IPCEF1: variants seen among roughly 807,000 people sequenced by gnomAD.
IPCEF1 encodes interactor protein for cytohesin exchange factors 1.
A neutral mutation model predicts 50.9 loss-of-function variants in IPCEF1; 31 were observed. The observed-to-expected ratio is 0.61, with a 90% CI of 0.46 to 0.82. The LOEUF (loss-of-function observed/expected upper bound fraction) is 0.82, where lower values mean the gene tolerates loss of function less well. Among genes scored for constraint, IPCEF1 ranks in the 40% least tolerant of loss-of-function variants. IPCEF1 has a pLI of 0.00. For missense variants in IPCEF1, 458 were observed against 514.0 expected (o/e 0.89, Z 1.05); for synonymous variants, 181 against 192.0 (o/e 0.94, Z 0.47).
chr6:154,285,179 C>CT (rs1290660760), intron 2 of IPCEF1, among the ~76,000 whole-genome samples: 5 of 152,012 alleles, frequency 3.3e-5, no homozygotes, highest in Admixed American at 3.3e-4. Context: ...AGGTAGTTGC[C>CT]TTTTTTAACA....
At chr6:154,213,059 T>C (rs1778098288) in intron 8 of IPCEF1, 1 of 541,600 alleles carries the variant, frequency 1.8e-6, no homozygotes, top group Non-Finnish European at 3.3e-6. Context: ...GCTCCTGACC[T>C]CAAAGAGCAT....
intron 1 of IPCEF1, among the ~76,000 whole-genome samples, chr6:154,290,146 G>T (rs550885468): frequency 4.6e-5 from 7 of 152,158 alleles, no homozygotes; most frequent in African/African-American, 1.4e-4. Context: ...AGGAGATGGC[G>T]AATGGGCCCA....
At chr6:154,275,432 G>A (rs1782031785) in intron 2 of IPCEF1, among the ~76,000 whole-genome samples, 2 of 152,124 alleles carry the variant, frequency 1.3e-5, no homozygotes, top group Non-Finnish European at 2.9e-5. Flanking sequence ...GGTATCCCCC[G>A]AATAACATCC....
intron 1 of IPCEF1, among the ~76,000 whole-genome samples, chr6:154,317,455 A>G (rs938214032): frequency 6.7e-6 from 1 of 149,224 alleles, no homozygotes; most frequent in Non-Finnish European, 1.5e-5. Flanking sequence ...AGGCTAAGGC[A>G]GAAGAATCAT....
intron 10 of IPCEF1, among the ~76,000 whole-genome samples, chr6:154,186,741 A>G (rs1801401142): frequency 6.6e-6 from 1 of 151,990 alleles, no homozygotes. Context: ...TATTTTTAGT[A>G]GAGAGGGGGT....
At position 154,168,882 on chromosome 6, in the gene IPCEF1, A is replaced by G. The variant is rs945844011; in HGVS notation, c.911-769T>C. Among the ~76,000 whole-genome samples, 6 of 151,948 alleles carry G rather than the reference A, an allele frequency of 3.9e-5. No individual in the cohort carries two copies. The highest frequency in any genetic ancestry group is 1.4e-4 in the African/African-American group (6 of 41,404). On this transcript the variant is annotated intron_variant, in intron 10 of 11. Transcript: ENST00000367220. The surrounding 1 kb of genome is among the most constrained non-coding windows in gnomAD (Gnocchi z 4.1). ...TGGCCTCCCAAAGTGCTGGGATTAC[A>G]GGTGTGAGCCACCACGCCCAGCCCA...
At chr6:154,197,282 A>G (rs1452570152) in intron 10 of IPCEF1, among the ~76,000 whole-genome samples, 1 of 152,242 alleles carries the variant, frequency 6.6e-6, no homozygotes, top group East Asian at 1.9e-4. Flanking sequence ...CATGTAAAAA[A>G]AAATGCACAA....
At chr6:154,281,634 G>A (rs892435289) in intron 2 of IPCEF1, among the ~76,000 whole-genome samples, 3 of 152,180 alleles carry the variant, frequency 2.0e-5, no homozygotes, top group Non-Finnish European at 4.4e-5. Context: ...GGATGAGCCA[G>A]GTGATAACTT....
At position 154,204,128 on chromosome 6, in the gene IPCEF1, G is replaced by A. The variant is rs539194000; in HGVS notation, c.538-4088C>T. ...ATCTTCGTTCTAGTTAAGAGACTAT[G>A]ATATGATTACATTAAAGATTAATAC... is the stretch of plus-strand genomic sequence containing the variant. On this transcript the variant is annotated intron_variant, in intron 9 of 11. Transcript: ENST00000367220. Among the ~76,000 whole-genome samples the A allele has an allele frequency of 2.6e-5, 4 of 152,292 alleles. No individual in the cohort carries two copies. In the South Asian group the frequency reaches 8.3e-4, roughly 32 times the overall value.
At chr6:154,212,091 A>G (rs1778007022) in intron 9 of IPCEF1, among the ~76,000 whole-genome samples, 1 of 152,220 alleles carries the variant, frequency 6.6e-6, no homozygotes, top group South Asian at 2.1e-4. Context: ...ACATCCTAGT[A>G]CATGGTAGGT....
intron 1 of IPCEF1, among the ~76,000 whole-genome samples, chr6:154,291,859 G>A (rs1338299073): frequency 1.3e-5 from 2 of 151,734 alleles, no homozygotes; most frequent in East Asian, 3.9e-4. Flanking sequence ...TAATTTTTGT[G>A]TTTTTAGTAG....
At chr6:154,190,085 A>G (rs1242108837) in intron 10 of IPCEF1, among the ~76,000 whole-genome samples, 1 of 152,190 alleles carries the variant, frequency 6.6e-6, no homozygotes, top group Admixed American at 6.5e-5. Context: ...TTCTGCTCTC[A>G]TGTACTTCCT....
Position 154,158,487 on chromosome 6 carries a change from T to C in IPCEF1, c.*1341A>G, listed in dbSNP as rs1344087007. ...AATGGCACAAAGCTTAAAGTTTATT[T>C]AATAGAAAGGATAATCTAAGATGAA... On this transcript the variant is annotated 3_prime_UTR_variant, in exon 12 of 12. Coordinates refer to ENST00000367220, the MANE Select transcript of IPCEF1 (RefSeq NM_001130700.2). The C allele has an allele frequency of 6.6e-6, 1 of 152,220 alleles. No individual in the cohort carries two copies. Among genetic ancestry groups the C allele is most frequent in the East Asian group, 1.9e-4 (1 of 5,206 alleles). The allele number at this position is 152,220 out of a possible 1,614,324, so 9.4% of individuals were successfully genotyped here.
Position 154,155,014 on chromosome 6 carries a change from TA to T in IPCEF1, c.*4813del, listed in dbSNP as rs970302270. 1.2e-3 allele frequency: 177 copies of T among 147,274 alleles called. No individual in the cohort carries two copies. The highest frequency in any genetic ancestry group is 5.1e-3 in the East Asian group (26 of 5,096). 9.1% of individuals were successfully genotyped at this position (147,274 alleles called of 1,614,324 possible). ...CACACTTCCCTTTTGGGCTAAAGGT[TA>T]AAAAAAAAAAATTCAAATACAATGA... On this transcript the variant is annotated 3_prime_UTR_variant, in exon 12 of 12. Transcript: ENST00000367220.
At chr6:154,305,251 C>T (rs925000199) in intron 1 of IPCEF1, among the ~76,000 whole-genome samples, 7 of 152,166 alleles carry the variant, frequency 4.6e-5, no homozygotes, top group Admixed American at 4.6e-4. Flanking sequence ...AGTAGGAGGT[C>T]AATAGGCTGG....
In IPCEF1 at chr6:154,168,523, C is replaced by T. The variant is rs1283110554; in HGVS notation, c.911-410G>A. Among the ~76,000 whole-genome samples, 1 of 152,130 alleles carries T rather than the reference C, an allele frequency of 6.6e-6. No homozygotes were observed. Among genetic ancestry groups the T allele is most frequent in the Non-Finnish European group, 1.5e-5 (1 of 68,028 alleles). On this transcript the variant is annotated intron_variant, in intron 10 of 11. Coordinates refer to ENST00000367220, the MANE Select transcript of IPCEF1 (RefSeq NM_001130700.2). The surrounding 1 kb of genome is among the most constrained non-coding windows in gnomAD (Gnocchi z 4.1). ...TCTTAACTAGTTAAATCTGCAACAA[C>T]CCCATTTCCCAATAAGGTCACATTC...
At chr6:154,186,309 G>A (rs1317664456) in intron 10 of IPCEF1, among the ~76,000 whole-genome samples, 1 of 152,102 alleles carries the variant, frequency 6.6e-6, no homozygotes, top group African/African-American at 2.4e-5. Flanking sequence ...AGTCATTCAG[G>A]CTGAAAGTCT....
chr6:154,326,093 G>A (rs1783511091), intron 1 of IPCEF1, among the ~76,000 whole-genome samples: 1 of 151,986 alleles, frequency 6.6e-6, no homozygotes, highest in Non-Finnish European at 1.5e-5. Context: ...AGGTATGGTG[G>A]TGTGTGCCTG....
intron 2 of IPCEF1, among the ~76,000 whole-genome samples, chr6:154,266,778 G>A (rs1049220325): frequency 6.6e-6 from 1 of 151,898 alleles, no homozygotes; most frequent in Non-Finnish European, 1.5e-5. Flanking sequence ...TTTGTAGTGG[G>A]TTGCCTGAAA....
Sources: allele counts gnomAD v4.1 joint callset (sites outside exome capture counted in the v4.1 genomes callset), GRCh38; gene constraint gnomAD v4.1.1; non-coding constraint Gnocchi (gnomAD v3.1); transcripts MANE v1.5; gene names NCBI Gene and HGNC (gene_info 2026-07-23, HGNC 2026-07-21).